Variants in DPF2 observed in about 807,000 individuals in gnomAD.
DPF2 encodes zinc finger protein ubi-d4.
DPF2 carries 10 observed loss-of-function variants against 59.6 expected under a neutral mutation model. The ratio of observed to expected loss-of-function variants is 0.17; its 90% CI spans 0.10 to 0.28. The LOEUF is 0.28. Among genes scored for constraint, DPF2 ranks in the 10% least tolerant of loss-of-function variants. The pLI, the probability that DPF2 is intolerant of heterozygous loss-of-function variation, is 1.00. For missense variants in DPF2, 315 were observed against 509.4 expected, an observed-to-expected ratio of 0.62 and a Z score of 3.67; for synonymous variants, 189 against 190.6, an observed-to-expected ratio of 0.99 and a Z score of 0.07.
rs536363675 is a variant in DPF2, at chr11:65,334,461, G to T, written c.32+543G>T. 2.6e-5 allele frequency among the ~76,000 whole-genome samples: 4 copies of T among 152,392 alleles called. No homozygotes were observed. In the South Asian group the frequency reaches 6.2e-4, roughly 24 times the overall value. On this transcript the variant is annotated intron_variant, in intron 1 of 10. Transcript: ENST00000528416. The stretch of plus-strand genomic sequence containing the variant: ...CTAAGACTACAAATATTCTTGGGAA[G>T]AATTTATCGAGGAGCGGATCCAGAA...
chr11:65,348,330 A>G (rs1854597895), intron 9 of DPF2: 1 of 153,856 alleles, frequency 6.5e-6, no homozygotes, highest in Admixed American at 6.5e-5. Flanking sequence ...CTGTAATCCA[A>G]GCACTTTGGG....
chr11:65,338,671 T>A (rs977124195), intron 1 of DPF2, among the ~76,000 whole-genome samples: 8 of 152,174 alleles, frequency 5.3e-5, no homozygotes, highest in Non-Finnish European at 1.2e-4. Context: ...TTACAGTCAT[T>A]ACAGCTCATT....
chr11:65,337,192 C>T (rs1854183168), intron 1 of DPF2, among the ~76,000 whole-genome samples: 1 of 151,800 alleles, frequency 6.6e-6, no homozygotes, highest in African/African-American at 2.4e-5. Flanking sequence ...TGGCTTACAC[C>T]TGTAATCCCA....
intron 1 of DPF2, among the ~76,000 whole-genome samples, chr11:65,337,496 TATATATATAGAGAGAGAGAGAG>T (rs1280088513): frequency 6.3e-4 from 36 of 57,222 alleles, no homozygotes; most frequent in African/African-American, 1.6e-3. Context: ...TATATATATA[TATATATATAGAGAGAGAGAGAG>T]AGAGAGAGAG....
chr11:65,341,340 C>T (rs1483856545), intron 3 of DPF2, 59 bp from the exon 4 acceptor site: 6 of 1,606,668 alleles, frequency 3.7e-6, no homozygotes, highest in African/African-American at 1.3e-5. Flanking sequence ...ATTATGTGGA[C>T]TCAGAGCAGT....
At chr11:65,351,411 A>T (rs1384468069) in intron 10 of DPF2, among the ~76,000 whole-genome samples, 1 of 151,962 alleles carries the variant, frequency 6.6e-6, no homozygotes, top group East Asian at 1.9e-4. Context: ...AAAACTTCTG[A>T]TTTAATAGGG....
intron 1 of DPF2, among the ~76,000 whole-genome samples, chr11:65,335,959 G>A (rs1380242210): frequency 6.6e-6 from 1 of 151,906 alleles, no homozygotes. Flanking sequence ...GATTACAGGT[G>A]CCCACCACCA....
rs563087146 is a variant in DPF2 at position 65,341,865 on chromosome 11, T to A, written c.465+303T>A. ...TGGCTCATGCCTGTAATCCCAGCAC[T>A]TTGGGAGGCCAAGGCAGGAGGATTG... On this transcript the variant is annotated intron_variant, in intron 4 of 10. Coordinates refer to ENST00000528416, the MANE Select transcript of DPF2 (RefSeq NM_006268.5). The A allele has an allele frequency of 1.4e-4, 29 of 206,040 alleles. No individual in the cohort carries two copies. The South Asian group carries it at 2.4e-3, about 17-fold the overall frequency. The allele number at this position is 206,040 out of a possible 1,614,324, so 12.8% of individuals were successfully genotyped here.
Position 65,352,834 on chromosome 11 carries a change from C to T in DPF2, c.*1075C>T, listed in dbSNP as rs1260495144. 6.6e-6 allele frequency: 1 copy of T among 152,610 alleles called. No individual in the cohort carries two copies. Among genetic ancestry groups the T allele is most frequent in the Non-Finnish European group, 1.5e-5 (1 of 68,058 alleles). The allele number at this position is 152,610 out of a possible 1,614,324, so 9.5% of individuals were successfully genotyped here. A position where few individuals can be genotyped will look rare whatever the true frequency, so the allele number is the denominator to read the frequency against. The stretch of plus-strand genomic sequence containing the variant: ...TGACATTAAGTAGTGGGGGGACAGT[C>T]CATGCCAGGACACCCTGGAGTAGCC... On this transcript the variant is annotated 3_prime_UTR_variant, in exon 11 of 11. Coordinates refer to ENST00000528416, the MANE Select transcript of DPF2 (RefSeq NM_006268.5).
At chr11:65,333,947 G>A (rs1950062637) in intron 1 of DPF2, 29 bp downstream of exon 1, 2 of 1,612,964 alleles carry the variant, frequency 1.2e-6, no homozygotes, top group Non-Finnish European at 1.7e-6. Context: ...CTCTCCTAGG[G>A]CGGCAGGTTT....
intron 10 of DPF2, among the ~76,000 whole-genome samples, chr11:65,350,712 T>C (rs1329420502): frequency 6.6e-6 from 1 of 150,402 alleles, no homozygotes; most frequent in Non-Finnish European, 1.5e-5. Context: ...ATATAAAAAC[T>C]GGCTGTGCAC....
At chr11:65,348,290 G>T (rs113929582) in intron 9 of DPF2, 10,510 of 152,168 alleles carry the variant, frequency 0.069, 503 homozygotes, top group African/African-American at 0.14. Context: ...GTCTCAAAAA[G>T]AAATAGTCAC....
intron 1 of DPF2, among the ~76,000 whole-genome samples, chr11:65,335,083 T>TG (rs1352989629): frequency 2.6e-5 from 4 of 151,012 alleles, no homozygotes; most frequent in South Asian, 2.1e-4. Flanking sequence ...TGGTTTGTTT[T>TG]TTTTTTTTTT....
intron 6 of DPF2, 119 bp downstream of exon 6, chr11:65,344,188 C>A: frequency 9.6e-7 from 1 of 1,037,850 alleles, no homozygotes; most frequent in Non-Finnish European, 1.5e-6. Flanking sequence ...GGGCTCTTGT[C>A]CTGCCTGCTG....
In DPF2 at chr11:65,340,305, A is replaced by G. The variant is rs924348282; in HGVS notation, c.33-80A>G. 31 of 1,512,870 alleles carry G rather than the reference A, an allele frequency of 2.0e-5. 1 individual carries two copies. The highest frequency in any genetic ancestry group is 1.4e-5 in the African/African-American group (1 of 72,462). 93.7% of individuals were successfully genotyped at this position (1,512,870 alleles called of 1,614,324 possible). The stretch of plus-strand genomic sequence containing the variant: ...AGTCCCTTGAGCCTTCTAGAGAAGC[A>G]GATGGCAGGGGAGAGGAATAGCTCA... On this transcript the variant is annotated intron_variant, in intron 1 of 10. Coordinates refer to ENST00000528416, the MANE Select transcript of DPF2 (RefSeq NM_006268.5).
At chr11:65,334,065 C>G in intron 1 of DPF2, 147 bp downstream of exon 1, 3 of 1,188,162 alleles carry the variant, frequency 2.5e-6, no homozygotes, top group Middle Eastern at 4.0e-4. Context: ...CAACAGGAGA[C>G]TCCGGAGAAG....
In DPF2 at chr11:65,340,967, A is replaced by G; in HGVS notation, c.195A>G (p.Gly65=). The G allele has an allele frequency of 6.2e-7, 1 of 1,613,998 alleles. No individual in the cohort carries two copies. Among genetic ancestry groups the G allele is most frequent in the Non-Finnish European group, 8.5e-7 (1 of 1,179,966 alleles). The change falls in exon 3 of 11, where the codon GGA becomes GGG. Residue 65 remains glycine, a splice_region_variant and synonymous_variant. Coordinates refer to ENST00000528416, the MANE Select transcript of DPF2 (RefSeq NM_006268.5). ...CTTCTATCTTTCTTCCTGCCACAGG[A>G]TTGGCCTCCGGACAGCTGTACTCCT... The part of the protein sequence containing the change: ...IWMEKRHRGP[G]LASGQLYSYP...
At chr11:65,346,184 C>A in intron 8 of DPF2, 63 bp from the exon 9 acceptor site, 1 of 1,599,426 alleles carries the variant, frequency 6.3e-7, no homozygotes. Flanking sequence ...TAGCCACAGG[C>A]AGGAGCTCCT....
chr11:65,337,469 AAAAAAATATATATAT>A, intron 1 of DPF2, among the ~76,000 whole-genome samples: 1 of 57,804 alleles, frequency 1.7e-5, no homozygotes, highest in African/African-American at 6.6e-5. Flanking sequence ...AAAAAAAAAA[AAAAAAATATATATAT>A]ATATATATAT....
Sources: allele counts gnomAD v4.1 joint callset (sites outside exome capture counted in the v4.1 genomes callset), GRCh38; gene constraint gnomAD v4.1.1; transcripts MANE v1.5; gene names NCBI Gene and HGNC (gene_info 2026-07-23, HGNC 2026-07-21).